Variants in EYS observed in about 807,000 individuals in gnomAD.
The protein encoded by EYS is protein eyes shut homolog.
A neutral mutation model predicts 282.1 loss-of-function variants in EYS; 250 were observed. The observed-to-expected ratio is 0.89, with a 90% confidence interval of 0.80 to 0.98. EYS has a LOEUF of 0.98. Ranked by LOEUF, EYS falls within the 50% of genes least tolerant of loss-of-function variation. EYS has a pLI of 0.00. For missense variants in EYS, 4,016 were observed against 3,709.0 expected (o/e 1.08, Z -2.15); for synonymous variants, 1,355 against 1,282.9 (o/e 1.06, Z -1.20).
At chr6:65,234,023 C>T (rs1046953692) in intron 12 of EYS, among the ~76,000 whole-genome samples, 19 of 152,114 alleles carry the variant, frequency 1.2e-4, no homozygotes, top group South Asian at 2.1e-4. Context: ...ATCACATTTC[C>T]GGCTGCTCTG....
At chr6:65,485,877 G>C (rs535657924) in intron 5 of EYS, among the ~76,000 whole-genome samples, 1 of 152,110 alleles carries the variant, frequency 6.6e-6, no homozygotes, top group South Asian at 2.1e-4. Flanking sequence ...TCCAACAATG[G>C]TTTTCTTTTT....
chr6:65,211,620 C>A (rs1766178373), intron 12 of EYS, among the ~76,000 whole-genome samples: 1 of 151,920 alleles, frequency 6.6e-6, no homozygotes, highest in African/African-American at 2.4e-5. Flanking sequence ...TCTATCCATA[C>A]CCATTTAGAG....
chr6:65,312,194 C>T (rs1167360731), intron 11 of EYS, among the ~76,000 whole-genome samples: 2 of 150,718 alleles, frequency 1.3e-5, no homozygotes, highest in East Asian at 3.9e-4. Context: ...TATCTAAGTG[C>T]CTTTAATATG....
intron 12 of EYS, among the ~76,000 whole-genome samples, chr6:65,085,509 T>A (rs1035568399): frequency 6.6e-6 from 1 of 152,198 alleles, no homozygotes; most frequent in Non-Finnish European, 1.5e-5. Context: ...GCTTTGTGTG[T>A]GATCTTGAAT....
At chr6:64,542,573 T>C (rs1764723233) in intron 26 of EYS, among the ~76,000 whole-genome samples, 1 of 152,092 alleles carries the variant, frequency 6.6e-6, no homozygotes, top group Non-Finnish European at 1.5e-5. Context: ...ATTGTGAAAG[T>C]AGGTTTTTGA....
At chr6:65,426,732 T>A (rs1767679167) in intron 5 of EYS, among the ~76,000 whole-genome samples, 1 of 152,174 alleles carries the variant, frequency 6.6e-6, no homozygotes. Context: ...ACTATTTTCC[T>A]TTTTAATCAT....
intron 2 of EYS, among the ~76,000 whole-genome samples, chr6:65,496,519 C>T (rs1218708071): frequency 3.5e-5 from 5 of 143,866 alleles, no homozygotes; most frequent in Admixed American, 2.8e-4. Context: ...GTGAAAAAAA[C>T]GTGTTCTTTG....
chr6:64,329,976 A>G (rs1770578889), intron 29 of EYS, among the ~76,000 whole-genome samples: 1 of 152,090 alleles, frequency 6.6e-6, no homozygotes, highest in Non-Finnish European at 1.5e-5. Flanking sequence ...ATCACAGTAT[A>G]CTTGGACCAG....
intron 35 of EYS, among the ~76,000 whole-genome samples, chr6:63,968,441 T>C (rs1296959912): frequency 1.3e-5 from 2 of 152,220 alleles, no homozygotes; most frequent in South Asian, 4.1e-4. Context: ...CAGGGGTATG[T>C]GTGGAAACTT....
intron 33 of EYS, among the ~76,000 whole-genome samples, chr6:64,022,952 A>G (rs1769261429): frequency 6.6e-6 from 1 of 152,198 alleles, no homozygotes; most frequent in Admixed American, 6.5e-5. Flanking sequence ...TTATATTTAG[A>G]GATTTGTCTT....
intron 22 of EYS, among the ~76,000 whole-genome samples, chr6:64,681,935 T>C (rs547813009): frequency 4.4e-4 from 67 of 152,236 alleles, no homozygotes; most frequent in African/African-American, 1.6e-3. Flanking sequence ...TTATCATCCT[T>C]GTGACTTAAC....
intron 1 of EYS, among the ~76,000 whole-genome samples, chr6:65,651,847 G>C (rs374912262): frequency 6.6e-6 from 1 of 151,934 alleles, no homozygotes; most frequent in African/African-American, 2.4e-5. Flanking sequence ...TATATTAGCA[G>C]TCATACTGAA....
chr6:64,186,705 A>G (rs1455802272), intron 31 of EYS, among the ~76,000 whole-genome samples: 1 of 152,110 alleles, frequency 6.6e-6, no homozygotes, highest in Non-Finnish European at 1.5e-5. Flanking sequence ...GAGGTAGAGC[A>G]ATTTTTCCCT....
intron 27 of EYS, among the ~76,000 whole-genome samples, chr6:64,438,215 T>A (rs2150465565): frequency 6.6e-6 from 1 of 151,924 alleles, no homozygotes; most frequent in East Asian, 1.9e-4. Context: ...AATCTCAAAC[T>A]TTTTGATCTC....
intron 36 of EYS, among the ~76,000 whole-genome samples, chr6:63,823,310 A>G (rs989003686): frequency 1.3e-5 from 2 of 152,190 alleles, no homozygotes; most frequent in African/African-American, 4.8e-5. Context: ...AATAAGTAAC[A>G]CTGAAATAAT....
At chr6:64,182,302 CT>C (rs1243653090) in intron 31 of EYS, among the ~76,000 whole-genome samples, 1 of 152,076 alleles carries the variant, frequency 6.6e-6, no homozygotes, top group African/African-American at 2.4e-5. Context: ...TAGTTTTTGC[CT>C]TTTCTTTCCT....
At chr6:64,523,703 A>G (rs905312383) in intron 26 of EYS, among the ~76,000 whole-genome samples, 1 of 151,698 alleles carries the variant, frequency 6.6e-6, no homozygotes, top group Admixed American at 6.6e-5. Flanking sequence ...GGACTCAGGA[A>G]AATGAAGAGA....
At chr6:64,906,209 G>C (rs56396908) in intron 16 of EYS, among the ~76,000 whole-genome samples, 8,519 of 151,062 alleles carry the variant, frequency 0.056, 401 homozygotes, top group African/African-American at 0.13. Flanking sequence ...TATGAAATAT[G>C]AATATACAGA....
intron 7 of EYS, among the ~76,000 whole-genome samples, chr6:65,385,097 T>G (rs939093973): frequency 6.6e-6 from 1 of 151,944 alleles, no homozygotes; most frequent in African/African-American, 2.4e-5. Flanking sequence ...TGCCCTCACT[T>G]CTAATTAATT....
Sources: allele counts gnomAD v4.1 joint callset (sites outside exome capture counted in the v4.1 genomes callset), GRCh38; gene constraint gnomAD v4.1.1; transcripts MANE v1.5; gene names NCBI Gene and HGNC (gene_info 2026-07-23, HGNC 2026-07-21).